CDH18: variants seen among roughly 807,000 people sequenced by gnomAD.
The protein encoded by CDH18 is cadherin 18.
CDH18 carries 31 observed loss-of-function variants against 67.9 expected under a neutral mutation model. The observed-to-expected ratio is 0.46, with a 90% confidence interval of 0.34 to 0.62. The LOEUF is 0.62. Ranked by LOEUF, CDH18 falls within the 20% of genes least tolerant of loss-of-function variation. The probability of loss-of-function intolerance (pLI) is 0.01; values close to 1 mark genes in which losing one functional copy is unlikely to be tolerated. For synonymous variants in CDH18, 362 were observed against 347.2 expected, an observed-to-expected ratio of 1.04 and a Z score of -0.48; for missense variants, 890 against 975.5, an observed-to-expected ratio of 0.91 and a Z score of 1.17.
intron 9 of CDH18, among the ~76,000 whole-genome samples, chr5:19,541,766 C>T (rs955916327): frequency 3.3e-5 from 5 of 152,126 alleles, no homozygotes; most frequent in African/African-American, 1.2e-4. Flanking sequence ...TTGGGTCCCT[C>T]CGATGACAGG....
chr5:20,340,634 G>C (rs1234056934), intron 1 of CDH18, among the ~76,000 whole-genome samples: 1 of 152,054 alleles, frequency 6.6e-6, no homozygotes, highest in Non-Finnish European at 1.5e-5. Context: ...ATGGGTCATG[G>C]GCTCAACTCC....
chr5:19,564,970 G>A (rs573529912), intron 8 of CDH18, among the ~76,000 whole-genome samples: 1 of 151,916 alleles, frequency 6.6e-6, no homozygotes, highest in African/African-American at 2.4e-5. Flanking sequence ...AAAAGAAGAG[G>A]GAAGAGCGGG....
chr5:19,525,372 A>G (rs1747596988), intron 9 of CDH18, among the ~76,000 whole-genome samples: 1 of 151,196 alleles, frequency 6.6e-6, no homozygotes, highest in African/African-American at 2.5e-5. Flanking sequence ...TTCTGTAACA[A>G]TGATTAAAAG....
intron 4 of CDH18, among the ~76,000 whole-genome samples, chr5:19,725,052 G>C (rs1275984946): frequency 1.3e-5 from 2 of 151,204 alleles, no homozygotes; most frequent in African/African-American, 4.9e-5. Context: ...TCAGCCTCCT[G>C]AGTAGCTGGG....
intron 8 of CDH18, among the ~76,000 whole-genome samples, chr5:19,562,637 A>C (rs1580224608): frequency 1.3e-5 from 2 of 152,202 alleles, no homozygotes; most frequent in East Asian, 3.8e-4. Context: ...CTAAGTTTCC[A>C]ATATGTTCAC....
At chr5:20,024,789 G>C (rs763848527) in intron 2 of CDH18, among the ~76,000 whole-genome samples, 16 of 152,100 alleles carry the variant, frequency 1.1e-4, no homozygotes, top group African/African-American at 3.9e-4. Context: ...AGAGTTTCTC[G>C]GGGATAAACC....
rs556121463 is a variant in CDH18 at position 19,571,840 on chromosome 5, GA to G, written c.1000-9del. ...TTTCTCATAGTTCAGTGGCTGTGGG[GA>G]AAAAAAATAAGATTATGACTTTTAT... On this transcript the variant is annotated splice_polypyrimidine_tract_variant and intron_variant, in intron 7 of 12. Transcript: ENST00000382275. 405 of 1,586,800 alleles carry G rather than the reference GA, an allele frequency of 2.6e-4. No individual in the cohort carries two copies. The African/African-American group carries it at 4.8e-3, about 19-fold the overall frequency.
chr5:20,477,609 C>T (rs965350094), intron 1 of CDH18, among the ~76,000 whole-genome samples: 10 of 152,344 alleles, frequency 6.6e-5, no homozygotes, highest in Admixed American at 6.5e-4. Context: ...AGAGGGGACT[C>T]TCCCATCCCA....
intron 9 of CDH18, among the ~76,000 whole-genome samples, chr5:19,539,880 C>T (rs1195137304): frequency 2.0e-5 from 3 of 152,238 alleles, no homozygotes; most frequent in East Asian, 3.9e-4. Context: ...TGGGGACACA[C>T]AGCCAAACCA....
At chr5:20,173,174 G>A (rs868291142) in intron 2 of CDH18, among the ~76,000 whole-genome samples, 3 of 152,278 alleles carry the variant, frequency 2.0e-5, no homozygotes, top group African/African-American at 4.8e-5. Context: ...CTGCCCTCAT[G>A]GAGCTTATTA....
intron 2 of CDH18, among the ~76,000 whole-genome samples, chr5:19,920,109 T>G (rs181407313): frequency 1.3e-5 from 2 of 152,298 alleles, no homozygotes; most frequent in Admixed American, 1.3e-4. Flanking sequence ...TGTTTTTGAA[T>G]CCCATAATAT....
intron 3 of CDH18, among the ~76,000 whole-genome samples, chr5:19,837,807 C>CA (rs34820291): frequency 0.5 from 76,536 of 151,826 alleles, 19,342 homozygotes; most frequent in Middle Eastern, 0.6. Context: ...AATCATCAAT[C>CA]GGGGGATAGA....
intron 1 of CDH18, among the ~76,000 whole-genome samples, chr5:20,447,172 C>T (rs1420406626): frequency 6.6e-6 from 1 of 151,986 alleles, no homozygotes; most frequent in Non-Finnish European, 1.5e-5. Context: ...CTCTCCTTCC[C>T]TTTTTCTGTT....
At position 19,520,665 on chromosome 5, in the gene CDH18, G is replaced by C. The variant is rs1197072771; in HGVS notation, c.1504C>G (p.Pro502Ala). Residue 502 changes from proline (P) to alanine (A), a missense_variant, in exon 10 of 13, where the codon CCT becomes GCT. Transcript: ENST00000382275. The part of the protein sequence containing the change: ...YDIIVCENSK[P>A]GQVIHTISAT... ...GGAAACAATTAACTTACCTGGCCAGGCTTAGAATTTTCACATACAATAATA... is the reference window on the plus strand; with the variant it reads ...GGAAACAATTAACTTACCTGGCCAGCCTTAGAATTTTCACATACAATAATA... The C allele has an allele frequency of 6.2e-7, 1 of 1,610,150 alleles. No individual in the cohort carries two copies. Among genetic ancestry groups the C allele is most frequent in the Middle Eastern group, 1.7e-4 (1 of 6,042 alleles).
At chr5:19,924,245 C>T (rs1792840432) in intron 2 of CDH18, among the ~76,000 whole-genome samples, 2 of 152,182 alleles carry the variant, frequency 1.3e-5, no homozygotes, top group Non-Finnish European at 2.9e-5. Context: ...ATCAACAATG[C>T]AGCATGCAGT....
intron 1 of CDH18, among the ~76,000 whole-genome samples, chr5:20,520,051 C>T (rs1013608577): frequency 7.4e-5 from 10 of 135,732 alleles, no homozygotes; most frequent in East Asian, 7.1e-4. Flanking sequence ...TCTGACCCCT[C>T]GGTCTTCCAA....
intron 6 of CDH18, among the ~76,000 whole-genome samples, chr5:19,591,807 T>C (rs1745187200): frequency 6.6e-6 from 1 of 152,108 alleles, no homozygotes. Context: ...CCTATCAGCT[T>C]CTAAAAAGGA....
At chr5:19,679,649 G>A (rs1170038724) in intron 5 of CDH18, among the ~76,000 whole-genome samples, 1 of 151,768 alleles carries the variant, frequency 6.6e-6, no homozygotes, top group Non-Finnish European at 1.5e-5. Flanking sequence ...TATCAATTAT[G>A]TTGAAGCTGA....
At chr5:19,884,511 T>C (rs1787986474) in intron 2 of CDH18, among the ~76,000 whole-genome samples, 1 of 151,966 alleles carries the variant, frequency 6.6e-6, no homozygotes. Flanking sequence ...ATTAAAATTA[T>C]AAAAAATACA....
Sources: allele counts gnomAD v4.1 joint callset (sites outside exome capture counted in the v4.1 genomes callset), GRCh38; gene constraint gnomAD v4.1.1; transcripts MANE v1.5; gene names NCBI Gene and HGNC (gene_info 2026-07-23, HGNC 2026-07-21).